ECSIT: variants seen among roughly 807,000 people sequenced by gnomAD.
The protein encoded by ECSIT is ECSIT signaling integrator.
ECSIT carries 29 observed loss-of-function variants against 36.8 expected under a neutral mutation model. The observed-to-expected ratio is 0.79, with a 90% CI of 0.59 to 1.08. The LOEUF is 1.08. Among genes scored for constraint, ECSIT ranks in the 50% least tolerant of loss-of-function variants. The pLI, the probability that ECSIT is intolerant of heterozygous loss-of-function variation, is 0.00. For missense variants in ECSIT, 542 were observed against 581.0 expected (o/e 0.93, Z 0.69); for synonymous variants, 231 against 234.8 (o/e 0.98, Z 0.15).
intron 4 of ECSIT, among the ~76,000 whole-genome samples, chr19:11,512,781 A>C (rs74418234): frequency 1.3e-5 from 2 of 151,994 alleles, no homozygotes; most frequent in Admixed American, 6.6e-5. Context: ...AAAAAAAAAA[A>C]CAGTTTTTTT....
At chr19:11,527,571 C>T (rs1972241541) in intron 1 of ECSIT, among the ~76,000 whole-genome samples, 1 of 151,948 alleles carries the variant, frequency 6.6e-6, no homozygotes, top group South Asian at 2.1e-4. Context: ...ATCTCAGGTA[C>T]TCAGGAGACT....
rs759251213 is a variant in ECSIT, at chr19:11,507,557, C to T, written c.951G>A (p.Val317=). ...GGTTCCACTCCTCCGGCGTCTCTTCCACTTCCTACTCCAAGGTGGGGAGTG... is the reference window on the plus strand; with the variant it reads ...GGTTCCACTCCTCCGGCGTCTCTTCTACTTCCTACTCCAAGGTGGGGAGTG... ...ADLLPPEERE[V]EETPEEWNLY... is the part of the protein sequence containing the mutation. The change falls in exon 7 of 8, where the codon GTG becomes GTA. Residue 317 remains valine (V), a synonymous_variant. Transcript: ENST00000270517. 10 of 1,613,980 alleles carry T rather than the reference C, an allele frequency of 6.2e-6. No homozygotes were observed. The Admixed American group carries it at 1.5e-4, about 24-fold the overall frequency.
chr19:11,515,312 T>C (rs140581673), intron 2 of ECSIT, among the ~76,000 whole-genome samples: 4,216 of 150,484 alleles, frequency 0.028, 157 homozygotes, highest in East Asian at 0.086. Context: ...ACTGTGTTAG[T>C]CAGGATGGTC....
intron 1 of ECSIT, among the ~76,000 whole-genome samples, chr19:11,525,906 A>C (rs1972206331): frequency 6.6e-6 from 1 of 151,046 alleles, no homozygotes; most frequent in South Asian, 2.1e-4. Flanking sequence ...CAAGAGCGAA[A>C]CTCCATCTCA....
At chr19:11,516,073 A>G (rs1476083646) in intron 2 of ECSIT, 1 of 152,282 alleles carries the variant, frequency 6.6e-6, no homozygotes, top group Admixed American at 6.5e-5. Flanking sequence ...TATGTTGCCC[A>G]GGCGGGAGTG....
chr19:11,521,230 A>G (rs1031438838), intron 1 of ECSIT, among the ~76,000 whole-genome samples: 2 of 152,202 alleles, frequency 1.3e-5, no homozygotes, highest in Admixed American at 6.6e-5. Flanking sequence ...TACTACTGCC[A>G]TGAACATTCG....
intron 2 of ECSIT, among the ~76,000 whole-genome samples, chr19:11,516,936 T>C (rs1054435359): frequency 6.6e-6 from 1 of 152,052 alleles, no homozygotes; most frequent in African/African-American, 2.4e-5. Context: ...GGCAGATCAA[T>C]TGAGACTGGC....
At chr19:11,523,634 C>A in intron 1 of ECSIT, 1 of 842,818 alleles carries the variant, frequency 1.2e-6, no homozygotes, top group Non-Finnish European at 2.0e-6. Flanking sequence ...CTGGTGGAGT[C>A]CCTTTGTGCT....
intron 1 of ECSIT, among the ~76,000 whole-genome samples, chr19:11,527,213 T>G (rs1478108225): frequency 6.6e-6 from 1 of 152,088 alleles, no homozygotes; most frequent in Non-Finnish European, 1.5e-5. Context: ...TCCCAGCTAT[T>G]CGGGAGCCTG....
Position 11,519,233 on chromosome 19 carries a change from C to T in ECSIT, c.-23-40G>A. On this transcript the variant is annotated intron_variant, in intron 1 of 7. Coordinates refer to ENST00000270517, the MANE Select transcript of ECSIT (RefSeq NM_016581.5). The surrounding 1 kb of genome is among the most constrained non-coding windows in gnomAD (Gnocchi z 4.4). ...GATTCAGCATTAGCCTGGCACCTTA[C>T]AGATGCTAACAGACGCAAGGGCCCC... is the stretch of plus-strand genomic sequence containing the variant. 1 of 1,375,104 alleles carries T rather than the reference C, an allele frequency of 7.3e-7. No individual in the cohort carries two copies. 85.2% of individuals were successfully genotyped at this position (1,375,104 alleles called of 1,614,324 possible). A position where few individuals can be genotyped will look rare whatever the true frequency, so the allele number is the denominator to read the frequency against.
In ECSIT at chr19:11,506,270, A is replaced by G; in HGVS notation, c.1210T>C (p.Ser404Pro). The change falls in exon 8 of 8, where the codon TCT (serine) becomes CCT (proline). Residue 404 changes from serine to proline, a missense_variant. Ser to Pro is a moderately conservative substitution (Grantham distance 74, BLOSUM62 -1). Coordinates refer to ENST00000270517, the MANE Select transcript of ECSIT (RefSeq NM_016581.5). The part of the protein sequence containing the change: ...AGSTRELQTS[S>P]AGLEEPPLPE... ...AGGGGCGGCTCCTCCAGCCCTGCAG[A>G]GGATGTCTGGAGCTCCCGGGTGGAC... 1.9e-6 allele frequency: 3 copies of G among 1,611,906 alleles called. No homozygotes were observed. In the South Asian group the frequency reaches 3.3e-5, roughly 18 times the overall value.
At position 11,506,376 on chromosome 19, in the gene ECSIT, C is replaced by T; in HGVS notation, c.1104G>A (p.Ala368=). Residue 368 remains alanine (A), a synonymous_variant, in exon 8 of 8, where the codon GCG becomes GCA. Coordinates refer to ENST00000270517, the MANE Select transcript of ECSIT (RefSeq NM_016581.5). ...GGCCCTGGATCCACTTAGCCATCGT[C>T]GCCTGGTCATGAGCACCCGCCATGC... ...AMCMAGAHDQ[A]TMAKWIQGLQ... The T allele has an allele frequency of 1.2e-6, 2 of 1,613,648 alleles. No individual in the cohort carries two copies. Among genetic ancestry groups the T allele is most frequent in the East Asian group, 2.2e-5 (1 of 44,858 alleles).
chr19:11,527,483 C>G (rs1972239720), intron 1 of ECSIT, among the ~76,000 whole-genome samples: 1 of 152,122 alleles, frequency 6.6e-6, no homozygotes. Context: ...GGATTCAAGA[C>G]CAGCCTGGGC....
chr19:11,520,570 A>G (rs1289922482), intron 1 of ECSIT, among the ~76,000 whole-genome samples: 3 of 152,046 alleles, frequency 2.0e-5, no homozygotes, highest in African/African-American at 7.2e-5. Flanking sequence ...GCTGGAGTGC[A>G]GTGGCACAAT....
intron 3 of ECSIT, among the ~76,000 whole-genome samples, chr19:11,513,591 T>TG (rs1166737982): frequency 6.0e-5 from 3 of 49,980 alleles, no homozygotes; most frequent in Non-Finnish European, 1.1e-4. Context: ...GAGAGGAGAG[T>TG]GGGGGGAGGA....
At chr19:11,520,060 C>T (rs1972071130) in intron 1 of ECSIT, 1 of 151,938 alleles carries the variant, frequency 6.6e-6, no homozygotes, top group Non-Finnish European at 1.5e-5. Flanking sequence ...CCCAAGAAAC[C>T]ACTCATCCAC....
At chr19:11,528,272 G>A (rs1972255757) in intron 1 of ECSIT, among the ~76,000 whole-genome samples, 1 of 152,132 alleles carries the variant, frequency 6.6e-6, no homozygotes, top group African/African-American at 2.4e-5. Flanking sequence ...TTGTTTCGGA[G>A]ACAGGGTCCT....
At chr19:11,525,366 C>T (rs1038322186) in intron 1 of ECSIT, among the ~76,000 whole-genome samples, 1 of 151,626 alleles carries the variant, frequency 6.6e-6, no homozygotes, top group African/African-American at 2.4e-5. Flanking sequence ...AAAAATTAAC[C>T]AGGCATGGTA....
At chr19:11,513,532 GAA>G (rs1422590312) in intron 3 of ECSIT, among the ~76,000 whole-genome samples, 1 of 128,818 alleles carries the variant, frequency 7.8e-6, no homozygotes, top group Non-Finnish European at 1.5e-5. Context: ...AAGAAAGAGA[GAA>G]AGAGAGGAAG....
Sources: allele counts gnomAD v4.1 joint callset (sites outside exome capture counted in the v4.1 genomes callset), GRCh38; gene constraint gnomAD v4.1.1; non-coding constraint Gnocchi (gnomAD v3.1); transcripts MANE v1.5; gene names NCBI Gene and HGNC (gene_info 2026-07-23, HGNC 2026-07-21).